CADPS2: variants seen among roughly 807,000 people sequenced by gnomAD.
The protein encoded by CADPS2 is calcium-dependent secretion activator 2.
CADPS2 carries 93 observed loss-of-function variants against 172.5 expected under a neutral mutation model. That is an observed-to-expected ratio of 0.54 (90% confidence interval 0.46 to 0.64). The LOEUF is 0.64. CADPS2 is among the 30% of genes least tolerant of loss of function. The pLI, the probability that CADPS2 is intolerant of heterozygous loss-of-function variation, is 0.00. For missense variants in CADPS2, 1,420 were observed against 1,565.9 expected, an observed-to-expected ratio of 0.91 and a Z score of 1.57; for synonymous variants, 546 against 555.2, an observed-to-expected ratio of 0.98 and a Z score of 0.23.
At chr7:122,532,518 T>C (rs2061855229) in intron 8 of CADPS2, among the ~76,000 whole-genome samples, 1 of 151,878 alleles carries the variant, frequency 6.6e-6, no homozygotes, top group African/African-American at 2.4e-5. Flanking sequence ...ACTGCCGCAC[T>C]CCGACCTCTC....
At chr7:122,737,507 G>A (rs12706437) in intron 1 of CADPS2, among the ~76,000 whole-genome samples, 34,973 of 152,048 alleles carry the variant, frequency 0.23, 4,206 homozygotes, top group Middle Eastern at 0.31. Context: ...CACTGCACCC[G>A]GACACTAATG....
chr7:122,566,310 T>C (rs1191741488), intron 7 of CADPS2, among the ~76,000 whole-genome samples: 1 of 152,100 alleles, frequency 6.6e-6, no homozygotes, highest in African/African-American at 2.4e-5. Context: ...TTGCATATTG[T>C]TGGTAGGAAT....
At position 122,381,116 on chromosome 7, in the gene CADPS2, C is replaced by T. The variant is rs186831715; in HGVS notation, c.3313-1674G>A. Among the ~76,000 whole-genome samples the T allele has an allele frequency of 1.1e-4, 16 of 152,122 alleles. No homozygotes were observed. In the East Asian group the frequency reaches 2.7e-3, roughly 26 times the overall value. On this transcript the variant is annotated intron_variant, in intron 24 of 29. Transcript: ENST00000449022. ...GCACTGGCTGATGGGTAGGGTAATC[C>T]CTCCACAGACACACTTACAAAAAAG...
At chr7:122,662,391 T>G (rs942442033) in intron 3 of CADPS2, among the ~76,000 whole-genome samples, 22 of 151,382 alleles carry the variant, frequency 1.5e-4, no homozygotes, top group Middle Eastern at 3.2e-3. Flanking sequence ...TTTTTTTTTT[T>G]TTTTAAGACG....
intron 2 of CADPS2, among the ~76,000 whole-genome samples, chr7:122,720,474 G>A (rs191992354): frequency 7.6e-6 from 1 of 131,590 alleles, no homozygotes; most frequent in East Asian, 2.4e-4. Flanking sequence ...GTAGATATAT[G>A]TATGTATGTA....
At chr7:122,470,927 C>G (rs2055843575) in intron 14 of CADPS2, among the ~76,000 whole-genome samples, 1 of 152,144 alleles carries the variant, frequency 6.6e-6, no homozygotes, top group East Asian at 1.9e-4. Context: ...TAAGAAGAGA[C>G]TCTACATAAA....
intron 12 of CADPS2, among the ~76,000 whole-genome samples, chr7:122,475,834 G>C (rs1418116344): frequency 2.6e-5 from 4 of 152,174 alleles, no homozygotes; most frequent in African/African-American, 9.6e-5. Context: ...TTGATGTGTA[G>C]GGTATAAGGT....
chr7:122,873,382 C>T (rs1820324559), intron 1 of CADPS2, among the ~76,000 whole-genome samples: 1 of 152,130 alleles, frequency 6.6e-6, no homozygotes, highest in African/African-American at 2.4e-5. Flanking sequence ...CACATGTTCT[C>T]ATTGTTCAAC....
chr7:122,431,676 A>G (rs2049928452), intron 17 of CADPS2, among the ~76,000 whole-genome samples: 1 of 152,122 alleles, frequency 6.6e-6, no homozygotes, highest in Admixed American at 6.5e-5. Flanking sequence ...AGAAGAAGTA[A>G]TAATAATGAT....
intron 27 of CADPS2, among the ~76,000 whole-genome samples, chr7:122,351,086 C>G (rs912173468): frequency 6.6e-6 from 1 of 151,846 alleles, no homozygotes; most frequent in African/African-American, 2.4e-5. Context: ...TTATTCCAGA[C>G]TGGGCGTGGT....
rs74456609 is a variant in CADPS2 at position 122,724,274 on chromosome 7, C to T, written c.453+12681G>A. 1.2e-3 allele frequency among the ~76,000 whole-genome samples: 183 copies of T among 152,030 alleles called. 3 individuals carry two copies. The East Asian group carries it at 0.03, about 25-fold the overall frequency. On this transcript the variant is annotated intron_variant, in intron 2 of 29. Coordinates refer to ENST00000449022, the MANE Select transcript of CADPS2 (RefSeq NM_017954.11). ...TGGAAGTCAGGGACCTTGCCTTGTT[C>T]ATCTTTTTATTTCCAGGGCATAGGG...
chr7:122,794,465 CTTTTCTATACTGGCTATT>C (rs1169050579), intron 1 of CADPS2, among the ~76,000 whole-genome samples: 1 of 151,920 alleles, frequency 6.6e-6, no homozygotes, highest in East Asian at 1.9e-4. Context: ...TGTTTACATT[CTTTTCTATACTGGCTATT>C]TTGTCTATCA....
At chr7:122,876,770 G>C (rs967862426) in intron 1 of CADPS2, among the ~76,000 whole-genome samples, 3 of 151,968 alleles carry the variant, frequency 2.0e-5, no homozygotes, top group African/African-American at 7.3e-5. Context: ...TGTTATATCT[G>C]AAAATAGCCA....
At chr7:122,433,691 T>C (rs1469331628) in intron 17 of CADPS2, among the ~76,000 whole-genome samples, 4 of 152,170 alleles carry the variant, frequency 2.6e-5, no homozygotes, top group Admixed American at 6.5e-5. Context: ...GCGTGAGCCA[T>C]TGTGACTGGC....
chr7:122,385,750 G>C (rs1314369070), intron 24 of CADPS2, among the ~76,000 whole-genome samples: 2 of 151,994 alleles, frequency 1.3e-5, no homozygotes, highest in Non-Finnish European at 2.9e-5. Context: ...CCATGAGTGG[G>C]AGGAAAGACT....
chr7:122,329,708 CCTTTA>C (rs1355089012), intron 28 of CADPS2, among the ~76,000 whole-genome samples: 1 of 152,128 alleles, frequency 6.6e-6, no homozygotes, highest in Non-Finnish European at 1.5e-5. Flanking sequence ...AAGCACTTCA[CCTTTA>C]TTTTGGAAGT....
At chr7:122,554,773 G>T in intron 7 of CADPS2, 84 bp from the exon 8 acceptor site, 1 of 1,257,512 alleles carries the variant, frequency 8.0e-7, no homozygotes, top group Non-Finnish European at 1.0e-6. Flanking sequence ...ATGTTTTCCT[G>T]TTTGAAAAAA....
chr7:122,452,395 T>A (rs1454741314), intron 14 of CADPS2, among the ~76,000 whole-genome samples: 2 of 152,212 alleles, frequency 1.3e-5, no homozygotes, highest in African/African-American at 4.8e-5. Context: ...CTAATTAGTT[T>A]ATTTGTTCAT....
intron 25 of CADPS2, among the ~76,000 whole-genome samples, chr7:122,375,693 A>G (rs1258986265): frequency 6.6e-6 from 1 of 152,122 alleles, no homozygotes; most frequent in Non-Finnish European, 1.5e-5. Context: ...GTTTCTTGAC[A>G]TTGGCCGTAG....
Sources: allele counts gnomAD v4.1 joint callset (sites outside exome capture counted in the v4.1 genomes callset), GRCh38; gene constraint gnomAD v4.1.1; transcripts MANE v1.5; gene names NCBI Gene and HGNC (gene_info 2026-07-23, HGNC 2026-07-21).